UBE3C: variants seen among roughly 807,000 people sequenced by gnomAD.
The protein encoded by UBE3C is ubiquitin-protein ligase E3C.
UBE3C carries 42 observed loss-of-function variants against 129.4 expected under a neutral mutation model. The observed-to-expected ratio is 0.32, with a 90% confidence interval of 0.25 to 0.42. The LOEUF is 0.42. Ranked by LOEUF, UBE3C falls within the 10% of genes least tolerant of loss-of-function variation. The pLI is 1.00. For synonymous variants in UBE3C, 510 were observed against 492.4 expected (o/e 1.04, Z -0.47); for missense variants, 1,049 against 1,319.1 (o/e 0.80, Z 3.17).
chr7:157,140,090 C>T (rs1807396474), intron 1 of UBE3C: 5 of 957,254 alleles, frequency 5.2e-6, no homozygotes, highest in South Asian at 4.8e-5. Context: ...GCTGTCTGTC[C>T]CTGAAGACGG....
At chr7:157,240,141 T>G (rs1465227410) in intron 18 of UBE3C, among the ~76,000 whole-genome samples, 1 of 152,120 alleles carries the variant, frequency 6.6e-6, no homozygotes, top group Non-Finnish European at 1.5e-5. Flanking sequence ...CTGCAACCTC[T>G]GCCTCCTGGT....
At chr7:157,248,911 C>G (rs535442216) in intron 19 of UBE3C, among the ~76,000 whole-genome samples, 40 of 152,294 alleles carry the variant, frequency 2.6e-4, no homozygotes, top group African/African-American at 7.7e-4. Flanking sequence ...CCGGCAGGAC[C>G]CCTTGCTTAG....
intron 10 of UBE3C, among the ~76,000 whole-genome samples, chr7:157,187,774 C>T (rs1586673726): frequency 6.6e-6 from 1 of 152,118 alleles, no homozygotes; most frequent in African/African-American, 2.4e-5. Flanking sequence ...GACGGGGTTT[C>T]ACCATGTTAG....
At chr7:157,162,106 A>G (rs927261037) in intron 1 of UBE3C, among the ~76,000 whole-genome samples, 2 of 152,124 alleles carry the variant, frequency 1.3e-5, no homozygotes, top group Non-Finnish European at 2.9e-5. Flanking sequence ...GATTCTGAAT[A>G]TTGTTAGTTC....
chr7:157,234,349 A>T (rs1266755153), intron 18 of UBE3C, among the ~76,000 whole-genome samples: 1 of 152,134 alleles, frequency 6.6e-6, no homozygotes, highest in Non-Finnish European at 1.5e-5. Flanking sequence ...TAATTTTTGT[A>T]GATTGTATGA....
At chr7:157,173,780 G>C (rs952382600) in intron 4 of UBE3C, among the ~76,000 whole-genome samples, 2 of 152,184 alleles carry the variant, frequency 1.3e-5, no homozygotes, top group Non-Finnish European at 2.9e-5. Flanking sequence ...GTCAGATGGT[G>C]AAGGGAGTAT....
intron 1 of UBE3C, 141 bp from the exon 2 acceptor site, chr7:157,163,669 C>T (rs950055488): frequency 3.8e-5 from 29 of 772,116 alleles, no homozygotes; most frequent in Non-Finnish European, 5.8e-5. Context: ...GCCTCAGATT[C>T]TCTCATCTGA....
chr7:157,139,394 G>A, intron 1 of UBE3C, 56 bp downstream of exon 1: 1 of 1,033,028 alleles, frequency 9.7e-7, no homozygotes, highest in Admixed American at 2.5e-5. Context: ...GCCGGGGCTC[G>A]GGGCTGGGAC....
Position 157,171,680 on chromosome 7 carries a change from ATATATATTTTTTTTTTTTTTTTTTT to A in UBE3C, c.342+1232_342+1256del, listed in dbSNP as rs1305555534. ...ATATTTTATATATATATATATATAT[ATATATATTTTTTTTTTTTTTTTTTT>A]TTTTTTTTTTTTTTTTTTTGAGACA... On this transcript the variant is annotated intron_variant, in intron 4 of 22. Transcript: ENST00000348165. 7.6e-3 allele frequency among the ~76,000 whole-genome samples: 249 copies of A among 32,808 alleles called. 7 individuals are homozygous for A. Among genetic ancestry groups the A allele is most frequent in the African/African-American group, 0.022 (223 of 10,016 alleles). 21.5% of individuals were successfully genotyped at this position (32,808 alleles called of 152,430 possible).
At chr7:157,187,668 C>T (rs913145766) in intron 10 of UBE3C, among the ~76,000 whole-genome samples, 1 of 151,922 alleles carries the variant, frequency 6.6e-6, no homozygotes, top group South Asian at 2.1e-4. Flanking sequence ...CTCTGCCCCC[C>T]TGGGTTCATG....
chr7:157,206,972 G>A (rs1002611493), intron 11 of UBE3C, among the ~76,000 whole-genome samples: 3 of 152,200 alleles, frequency 2.0e-5, no homozygotes, highest in African/African-American at 7.2e-5. Context: ...TAAGTCGCTG[G>A]ATAAATTTTT....
intron 10 of UBE3C, among the ~76,000 whole-genome samples, chr7:157,189,771 T>TAGG (rs1808905382): frequency 1.3e-5 from 2 of 152,150 alleles, no homozygotes; most frequent in Non-Finnish European, 2.9e-5. Flanking sequence ...TTTCTCACTC[T>TAGG]TTCCTAAACT....
At chr7:157,238,617 A>G (rs1422821366) in intron 18 of UBE3C, among the ~76,000 whole-genome samples, 2 of 152,010 alleles carry the variant, frequency 1.3e-5, no homozygotes, top group Non-Finnish European at 2.9e-5. Context: ...AGGCATTCTT[A>G]TGGAGGCTTA....
intron 10 of UBE3C, among the ~76,000 whole-genome samples, chr7:157,187,980 C>A (rs2116942816): frequency 6.6e-6 from 1 of 152,272 alleles, no homozygotes; most frequent in East Asian, 1.9e-4. Context: ...CAAAACAAAA[C>A]CTGCAAGTTA....
intron 18 of UBE3C, among the ~76,000 whole-genome samples, chr7:157,239,303 G>C (rs59580574): frequency 6.6e-6 from 1 of 152,076 alleles, no homozygotes. Flanking sequence ...ATGAGTGAAC[G>C]GCACAGACCT....
rs200842012 is a variant in UBE3C, at chr7:157,217,003, A to G, written c.1914+32A>G. On this transcript the variant is annotated intron_variant, in intron 14 of 22. Coordinates refer to ENST00000348165, the MANE Select transcript of UBE3C (RefSeq NM_014671.3). ...TTGAAAGATCTTTTTAATATTTATC[A>G]TTAAAAAATACATTCAGCTTGTGTC... The G allele has an allele frequency of 4.6e-6, 7 of 1,515,272 alleles. No individual in the cohort carries two copies. In the African/African-American group the frequency reaches 7.0e-5, roughly 15 times the overall value. 93.9% of individuals were successfully genotyped at this position (1,515,272 alleles called of 1,614,324 possible). A position where few individuals can be genotyped will look rare whatever the true frequency, so the allele number is the denominator to read the frequency against.
At chr7:157,194,943 T>G (rs1171755403) in intron 10 of UBE3C, among the ~76,000 whole-genome samples, 9 of 152,188 alleles carry the variant, frequency 5.9e-5, no homozygotes, top group Non-Finnish European at 1.0e-4. Context: ...AGGGAAGAAC[T>G]GTTGAATATA....
chr7:157,246,938 T>C (rs1182913844), intron 18 of UBE3C, among the ~76,000 whole-genome samples: 2 of 152,270 alleles, frequency 1.3e-5, no homozygotes, highest in Non-Finnish European at 1.5e-5. Flanking sequence ...TTGCCCAGAC[T>C]GGAGTGCAGT....
At chr7:157,175,306 C>G (rs567404775) in intron 5 of UBE3C, among the ~76,000 whole-genome samples, 1 of 152,068 alleles carries the variant, frequency 6.6e-6, no homozygotes, top group East Asian at 1.9e-4. Context: ...TGATGGCCAT[C>G]CTGGTTACTG....
Sources: gnomAD v4.1 joint callset for allele counts (sites outside exome capture counted in the v4.1 genomes callset) on GRCh38, gnomAD v4.1.1 for gene constraint, MANE v1.5 for transcripts, NCBI Gene and HGNC (gene_info 2026-07-23, HGNC 2026-07-21) for gene names.